Variants in DAB1 observed in about 807,000 individuals in gnomAD.
DAB1 encodes disabled homolog 1.
DAB1 carries 15 observed loss-of-function variants against 64.6 expected under a neutral mutation model. That is an observed-to-expected ratio of 0.23 (90% CI 0.16 to 0.36). DAB1 has a LOEUF of 0.36. DAB1 is among the 10% of genes least tolerant of loss of function. The pLI is 1.00. For synonymous variants in DAB1, 235 were observed against 251.9 expected (o/e 0.93, Z 0.64); for missense variants, 596 against 706.7 (o/e 0.84, Z 1.78).
chr1:57,258,946 T>C (rs1203985481), intron 2 of DAB1, among the ~76,000 whole-genome samples: 1 of 152,048 alleles, frequency 6.6e-6, no homozygotes, highest in Non-Finnish European at 1.5e-5. Flanking sequence ...TTCAGCATCT[T>C]TGATGTCTCA....
intron 3 of DAB1, among the ~76,000 whole-genome samples, chr1:57,139,429 A>G (rs1045058116): frequency 8.5e-5 from 13 of 152,122 alleles, no homozygotes; most frequent in African/African-American, 3.1e-4. Context: ...CAGAACTGTG[A>G]GAAAACAAAT....
chr1:57,658,233 G>A (rs1464658373), intron 6 of DAB1, among the ~76,000 whole-genome samples: 1 of 151,368 alleles, frequency 6.6e-6, no homozygotes, highest in Non-Finnish European at 1.5e-5. Flanking sequence ...CTGCTTCTAT[G>A]TCTTGCAATG....
At chr1:57,579,380 T>C (rs908726272) in intron 7 of DAB1, among the ~76,000 whole-genome samples, 2 of 152,064 alleles carry the variant, frequency 1.3e-5, no homozygotes, top group East Asian at 3.9e-4. Context: ...ACCCTGGGAG[T>C]ACAGGGTACT....
At chr1:57,364,657 T>G (rs1440697455) in intron 1 of DAB1, among the ~76,000 whole-genome samples, 1 of 152,058 alleles carries the variant, frequency 6.6e-6, no homozygotes, top group Non-Finnish European at 1.5e-5. Context: ...AAACATCCTC[T>G]ATTACTAGAT....
At chr1:58,079,566 A>G (rs1287156501) in intron 5 of DAB1, among the ~76,000 whole-genome samples, 1 of 114,914 alleles carries the variant, frequency 8.7e-6, no homozygotes, top group Non-Finnish European at 1.6e-5. Flanking sequence ...TCTGTCGCCC[A>G]GGTTGGAGTG....
intron 2 of DAB1, among the ~76,000 whole-genome samples, chr1:58,514,807 A>C (rs1031799942): frequency 7.9e-5 from 12 of 152,212 alleles, no homozygotes; most frequent in African/African-American, 2.9e-4. Flanking sequence ...TGTTTCCAGC[A>C]GGCAAATATA....
intron 4 of DAB1, among the ~76,000 whole-genome samples, chr1:58,203,370 C>T: frequency 6.6e-6 from 1 of 152,184 alleles, no homozygotes; most frequent in East Asian, 1.9e-4. Flanking sequence ...ACATAGACAA[C>T]ACCCTCATAT....
chr1:57,993,071 T>C (rs1264193037), intron 5 of DAB1, among the ~76,000 whole-genome samples: 1 of 152,130 alleles, frequency 6.6e-6, no homozygotes, highest in Non-Finnish European at 1.5e-5. Flanking sequence ...ATAGCCAGAA[T>C]TGGAAACTTA....
intron 7 of DAB1, among the ~76,000 whole-genome samples, chr1:57,436,335 C>T (rs145066573): frequency 0.034 from 5,178 of 152,248 alleles, 154 homozygotes; most frequent in Middle Eastern, 0.054. Flanking sequence ...TTTTCAGCTC[C>T]GTTACAATCT....
chr1:58,521,444 T>C (rs6668546), intron 2 of DAB1, among the ~76,000 whole-genome samples: 144,289 of 151,942 alleles, frequency 0.95, 68,953 homozygotes, highest in East Asian at 1. Context: ...AAATGGTAAC[T>C]GACATAACAG....
At chr1:58,196,352 T>C (rs1171634276) in intron 4 of DAB1, among the ~76,000 whole-genome samples, 1 of 152,198 alleles carries the variant, frequency 6.6e-6, no homozygotes, top group Non-Finnish European at 1.5e-5. Context: ...CTTCTGCCTG[T>C]CATACTATAT....
chr1:58,215,303 A>G (rs1380172755), intron 4 of DAB1, among the ~76,000 whole-genome samples: 1 of 152,034 alleles, frequency 6.6e-6, no homozygotes, highest in Admixed American at 6.6e-5. Context: ...TTCAGGTCTC[A>G]AGTCAAATGA....
intron 1 of DAB1, among the ~76,000 whole-genome samples, chr1:57,361,659 C>T (rs1025010342): frequency 1.3e-5 from 2 of 151,982 alleles, no homozygotes; most frequent in Non-Finnish European, 2.9e-5. Flanking sequence ...ATACATATGT[C>T]ATTCAGTTAA....
chr1:57,521,512 A>C (rs1644526380), intron 7 of DAB1, among the ~76,000 whole-genome samples: 2 of 152,146 alleles, frequency 1.3e-5, no homozygotes, highest in Admixed American at 6.5e-5. Context: ...GCTTTGAAAG[A>C]TCTAGAGTAA....
intron 5 of DAB1, among the ~76,000 whole-genome samples, chr1:58,109,406 T>A (rs1238096746): frequency 6.6e-6 from 1 of 152,122 alleles, no homozygotes; most frequent in South Asian, 2.1e-4. Flanking sequence ...ATTTGCTAGA[T>A]CACTCAGGGT....
chr1:57,946,722 C>T (rs1645189475), intron 5 of DAB1, among the ~76,000 whole-genome samples: 1 of 152,244 alleles, frequency 6.6e-6, no homozygotes, highest in African/African-American at 2.4e-5. Flanking sequence ...CCTCTTCTTA[C>T]CCTTTCAGAC....
At chr1:58,350,609 T>C (rs1193084692) in intron 3 of DAB1, among the ~76,000 whole-genome samples, 1 of 152,224 alleles carries the variant, frequency 6.6e-6, no homozygotes, top group East Asian at 1.9e-4. Flanking sequence ...GTTTAAGTCT[T>C]TAATCCATCT....
chr1:57,156,835 C>T (rs1429058527), intron 2 of DAB1, among the ~76,000 whole-genome samples: 1 of 152,188 alleles, frequency 6.6e-6, no homozygotes, highest in African/African-American at 2.4e-5. Context: ...TTCTTCTGGG[C>T]ACAGAGTAAA....
intron 1 of DAB1, among the ~76,000 whole-genome samples, chr1:57,332,254 A>G (rs758304265): frequency 6.6e-6 from 1 of 152,170 alleles, no homozygotes; most frequent in East Asian, 1.9e-4. Flanking sequence ...ATAAGCCACA[A>G]TGCCCAGCTG....
Sources: gnomAD v4.1 joint callset for allele counts (sites outside exome capture counted in the v4.1 genomes callset) on GRCh38, gnomAD v4.1.1 for gene constraint, MANE v1.5 for transcripts, NCBI Gene and HGNC (gene_info 2026-07-23, HGNC 2026-07-21) for gene names.